CELF5: variants seen among roughly 807,000 people sequenced by gnomAD.
The protein encoded by CELF5 is CUGBP Elav-like family member 5, also known as CUG-BP and ETR-3 like factor 5.
A neutral mutation model predicts 54.9 loss-of-function variants in CELF5; 6 were observed. The ratio of observed to expected loss-of-function variants is 0.11; its 90% CI spans 0.06 to 0.22. CELF5 has a LOEUF of 0.22. Among genes scored for constraint, CELF5 ranks in the 10% least tolerant of loss-of-function variants. CELF5 has a pLI of 1.00. For synonymous variants in CELF5, 271 were observed against 290.9 expected (o/e 0.93, Z 0.70); for missense variants, 401 against 678.6 (o/e 0.59, Z 4.54).
rs375995771 is a variant in CELF5, at chr19:3,252,859, G to A, written c.342+1792G>A. ...CTTAACCTCTCTGATCTTCAGCACTGGAAGAGAATAACAGGGCAGGGTGGG... is the reference window on the plus strand; with the variant it reads ...CTTAACCTCTCTGATCTTCAGCACTAGAAGAGAATAACAGGGCAGGGTGGG... On this transcript the variant is annotated intron_variant, in intron 2 of 12. Coordinates refer to ENST00000292672, the MANE Select transcript of CELF5 (RefSeq NM_021938.4). Among the ~76,000 whole-genome samples the A allele has an allele frequency of 4.6e-5, 7 of 152,154 alleles. No homozygotes were observed. The East Asian group carries it at 7.7e-4, about 17-fold the overall frequency.
chr19:3,284,171 C>A (rs570943389), intron 8 of CELF5, among the ~76,000 whole-genome samples: 26 of 152,076 alleles, frequency 1.7e-4, no homozygotes, highest in African/African-American at 6.3e-4. Flanking sequence ...TTTGTATGCA[C>A]TCTGTGCACG....
In CELF5 at chr19:3,286,097, G is replaced by A. The variant is rs574605162; in HGVS notation, c.1186+72G>A. 978 of 1,325,014 alleles carry A rather than the reference G, an allele frequency of 7.4e-4. 1 individual carries two copies. The highest frequency in any genetic ancestry group is 9.2e-4 in the Non-Finnish European group (924 of 1,005,940). The allele number at this position is 1,325,014 out of a possible 1,614,324, so 82.1% of individuals were successfully genotyped here. ...CGCCCTGTCCACCTGCAGGCTCCGT[G>A]TCTGGCCCGGGCCTCTGGGACCCGC... On this transcript the variant is annotated intron_variant, in intron 10 of 12. Transcript: ENST00000292672.
At chr19:3,251,828 C>T (rs981151039) in intron 2 of CELF5, among the ~76,000 whole-genome samples, 3 of 151,844 alleles carry the variant, frequency 2.0e-5, no homozygotes, top group Admixed American at 6.6e-5. Context: ...GCGTGCACCA[C>T]CATGCCTGGC....
At chr19:3,242,870 AAG>A (rs1277505747) in intron 1 of CELF5, among the ~76,000 whole-genome samples, 1 of 152,074 alleles carries the variant, frequency 6.6e-6, no homozygotes, top group Non-Finnish European at 1.5e-5. Flanking sequence ...AGGCTGATGA[AAG>A]AGAGTCATTT....
At chr19:3,241,772 TTTG>T (rs376685207) in intron 1 of CELF5, among the ~76,000 whole-genome samples, 7 of 151,834 alleles carry the variant, frequency 4.6e-5, no homozygotes, top group South Asian at 2.1e-4. Flanking sequence ...GTGGCACTAG[TTTG>T]TTGTTGTTGT....
In CELF5 at chr19:3,257,966, A is replaced by ATT. The variant is rs539724536; in HGVS notation, c.342+6911_342+6912dup. Among the ~76,000 whole-genome samples the ATT allele has an allele frequency of 1.5e-3, 214 of 144,490 alleles. 1 individual carries two copies. The highest frequency in any genetic ancestry group is 4.2e-3 in the African/African-American group (165 of 39,456). The allele number at this position is 144,490 out of a possible 152,430, so 94.8% of individuals were successfully genotyped here. A position where few individuals can be genotyped will look rare whatever the true frequency, so the allele number is the denominator to read the frequency against. On this transcript the variant is annotated intron_variant, in intron 2 of 12. Coordinates refer to ENST00000292672, the MANE Select transcript of CELF5 (RefSeq NM_021938.4). The stretch of plus-strand genomic sequence containing the variant: ...AGGTGCACACCACCATACCTGGCTG[A>ATT]TTTTTTTTTTTTTGACAGAGTTTTG...
chr19:3,253,184 A>G (rs577145739), intron 2 of CELF5, among the ~76,000 whole-genome samples: 37 of 152,274 alleles, frequency 2.4e-4, no homozygotes, highest in Middle Eastern at 6.8e-3. Context: ...CAGTCCATAC[A>G]GATTAGTGCC....
At chr19:3,232,392 A>G (rs942509354) in intron 1 of CELF5, among the ~76,000 whole-genome samples, 2 of 151,214 alleles carry the variant, frequency 1.3e-5, no homozygotes, top group African/African-American at 4.9e-5. Flanking sequence ...AAAAATAAAA[A>G]CCATATCCAG....
At position 3,282,917 on chromosome 19, in the gene CELF5, G is replaced by A. The variant is rs999573186; in HGVS notation, c.1039+419G>A. 1.3e-5 allele frequency among the ~76,000 whole-genome samples: 2 copies of A among 152,124 alleles called. No homozygotes were observed. Among genetic ancestry groups the A allele is most frequent in the African/African-American group, 4.8e-5 (2 of 41,412 alleles). Reference sequence around the variant, plus strand: ...ACAATCTTGGCTGACTGTAACCTCCGCTTCCCAGGTTCAAGTGATTCTCCT... The same window carrying A: ...ACAATCTTGGCTGACTGTAACCTCCACTTCCCAGGTTCAAGTGATTCTCCT... On this transcript the variant is annotated intron_variant, in intron 8 of 12. Transcript: ENST00000292672. This position sits in a 1 kb window ranked among gnomAD's most constrained non-coding sequence, Gnocchi z 5.2.
chr19:3,233,169 C>G (rs1449993045), intron 1 of CELF5, among the ~76,000 whole-genome samples: 1 of 151,898 alleles, frequency 6.6e-6, no homozygotes, highest in Non-Finnish European at 1.5e-5. Flanking sequence ...TGCCTAGAGC[C>G]CTAGCTGCTT....
intron 10 of CELF5, among the ~76,000 whole-genome samples, chr19:3,289,265 T>A (rs938810844): frequency 1.1e-4 from 16 of 151,644 alleles, no homozygotes; most frequent in African/African-American, 1.9e-4. Context: ...ATAAAAAAAA[T>A]TTTTTTTTGG....
intron 1 of CELF5, among the ~76,000 whole-genome samples, chr19:3,242,270 G>A (rs368997029): frequency 5.3e-5 from 8 of 152,074 alleles, no homozygotes; most frequent in South Asian, 2.1e-4. Context: ...ACGATGGCTC[G>A]CACCTGTAAT....
Position 3,290,214 on chromosome 19 carries a change from C to T in CELF5, c.1187-17C>T. 1 of 1,611,916 alleles carries T rather than the reference C, an allele frequency of 6.2e-7. No individual in the cohort carries two copies. Among genetic ancestry groups the T allele is most frequent in the Non-Finnish European group, 8.5e-7 (1 of 1,178,318 alleles). On this transcript the variant is annotated splice_polypyrimidine_tract_variant and intron_variant, in intron 10 of 12. Coordinates refer to ENST00000292672, the MANE Select transcript of CELF5 (RefSeq NM_021938.4). ...CTCTCCTTGGGGGCTTTATGTCTTTCTCTCCCCCACCTGCAGGTCCCGAGG... is the reference window on the plus strand; with the variant it reads ...CTCTCCTTGGGGGCTTTATGTCTTTTTCTCCCCCACCTGCAGGTCCCGAGG...
chr19:3,257,773 G>C (rs2079750315), intron 2 of CELF5, among the ~76,000 whole-genome samples: 1 of 149,000 alleles, frequency 6.7e-6, no homozygotes, highest in Non-Finnish European at 1.5e-5. Context: ...ACCATGCCCA[G>C]CCTCCATTTT....
chr19:3,277,544 T>C (rs557792821), intron 4 of CELF5, among the ~76,000 whole-genome samples: 2,013 of 80,402 alleles, frequency 0.025, 28 homozygotes, highest in Admixed American at 0.039. Context: ...AATGAAGTGC[T>C]TTTTTTTTCT....
chr19:3,255,922 G>T (rs1332673540), intron 2 of CELF5, among the ~76,000 whole-genome samples: 1 of 151,952 alleles, frequency 6.6e-6, no homozygotes, highest in Non-Finnish European at 1.5e-5. Context: ...AAAATTAGCT[G>T]GGCGTGGTGG....
At chr19:3,237,184 A>T (rs1454651310) in intron 1 of CELF5, among the ~76,000 whole-genome samples, 1 of 148,220 alleles carries the variant, frequency 6.7e-6, no homozygotes. Context: ...TGGTGGCAGG[A>T]ACCTGTAGTC....
chr19:3,267,944 C>A (rs1441559990), intron 2 of CELF5, among the ~76,000 whole-genome samples: 3 of 152,100 alleles, frequency 2.0e-5, no homozygotes, highest in Non-Finnish European at 4.4e-5. Flanking sequence ...TTCACCTCCC[C>A]AGACCTCAGT....
chr19:3,279,396 C>T (rs577327320), intron 5 of CELF5, among the ~76,000 whole-genome samples: 2 of 152,236 alleles, frequency 1.3e-5, no homozygotes, highest in Admixed American at 6.5e-5. Flanking sequence ...AAGATGGGAC[C>T]TGAGAGGAAC....
Sources: gnomAD v4.1 joint callset for allele counts (sites outside exome capture counted in the v4.1 genomes callset) on GRCh38, gnomAD v4.1.1 for gene constraint, Gnocchi (gnomAD v3.1) non-coding constraint, MANE v1.5 for transcripts, NCBI Gene and HGNC (gene_info 2026-07-23, HGNC 2026-07-21) for gene names.